The following PRR20G variants were observed in gnomAD, a reference collection of about 807,000 sequenced individuals.
PRR20G encodes proline-rich protein 20G.
chr3:127,287,459 C>T (rs1457575304), intron 1 of PRR20G, among the ~76,000 whole-genome samples, 87 bp from the exon 2 acceptor site: 1 of 152,102 alleles, frequency 6.6e-6, no homozygotes. Context: ...CGATGCGGAC[C>T]CCACCTCACC....
chr3:127,286,745 C>T (rs1369163293), intron 2 of PRR20G, among the ~76,000 whole-genome samples: 2 of 152,204 alleles, frequency 1.3e-5, no homozygotes, highest in Non-Finnish European at 2.9e-5. Context: ...TCAGAGCAGC[C>T]AGTCCCGGTT....
chr3:127,288,018 C>T lies in PRR20G; in HGVS notation c.-147G>A, dbSNP rs2080395965. On this transcript the variant is annotated 5_prime_UTR_variant, in exon 1 of 3. Transcript: ENST00000465482. ...AGGTAGGAGGGAGCACCCAGCAGTC[C>T]TAGTTCGGAGCCCGGCAGAAAGCTG... Among the ~76,000 whole-genome samples the T allele has an allele frequency of 2.0e-5, 3 of 152,124 alleles. No individual in the cohort carries two copies. The highest frequency in any genetic ancestry group is 2.4e-5 in the African/African-American group (1 of 41,442).
chr3:127,285,558 T>C (rs1018269512), intron 2 of PRR20G, among the ~76,000 whole-genome samples: 2 of 152,172 alleles, frequency 1.3e-5, no homozygotes, highest in Admixed American at 1.3e-4. Flanking sequence ...AGAGTAGGCA[T>C]TGAAGATCAT....
chr3:127,287,069 A>G (rs1187934966), intron 2 of PRR20G, among the ~76,000 whole-genome samples: 2 of 152,174 alleles, frequency 1.3e-5, no homozygotes, highest in African/African-American at 4.8e-5. Flanking sequence ...CCATAAATAA[A>G]GTCTAAACGG....
intron 1 of PRR20G, among the ~76,000 whole-genome samples, 194 bp downstream of exon 1, chr3:127,287,685 G>C (rs2080393971): frequency 6.6e-6 from 1 of 152,222 alleles, no homozygotes; most frequent in South Asian, 2.1e-4. Context: ...TGGTACCGGG[G>C]AGACTTAGGC....
At chr3:127,285,238 C>T (rs2080381521) in intron 2 of PRR20G, among the ~76,000 whole-genome samples, 1 of 152,074 alleles carries the variant, frequency 6.6e-6, no homozygotes, top group African/African-American at 2.4e-5. Context: ...AGCATCTTAA[C>T]ATGTATTGGG....
chr3:127,287,482 G>A (rs2080393163), intron 1 of PRR20G, among the ~76,000 whole-genome samples, 110 bp from the exon 2 acceptor site: 1 of 152,184 alleles, frequency 6.6e-6, no homozygotes, highest in African/African-American at 2.4e-5. Flanking sequence ...CTCCTACAGG[G>A]CCACTGCCGC....
intron 2 of PRR20G, among the ~76,000 whole-genome samples, chr3:127,286,046 AAG>A (rs1389043663): frequency 6.6e-6 from 1 of 152,194 alleles, no homozygotes; most frequent in African/African-American, 2.4e-5. Flanking sequence ...TCTCCCAGGA[AAG>A]AGAGCAAAAA....
Position 127,284,021 on chromosome 3 carries a change from G to A in PRR20G, c.*39C>T, listed in dbSNP as rs1362954421. 4 of 152,718 alleles carry A rather than the reference G, an allele frequency of 2.6e-5. No homozygotes were observed. Among genetic ancestry groups the A allele is most frequent in the South Asian group, 2.1e-4 (1 of 4,824 alleles). The allele number at this position is 152,718 out of a possible 1,614,324, so 9.5% of individuals were successfully genotyped here. On this transcript the variant is annotated 3_prime_UTR_variant, in exon 3 of 3. Transcript: ENST00000465482. The stretch of plus-strand genomic sequence containing the variant: ...TTGGGGATAGGGGGAAAGACCAGGT[G>A]GAAGAAAAGAAGGCTGGCAGCAATA...
Position 127,286,789 on chromosome 3 carries a change from C to T in PRR20G, c.52+525G>A, listed in dbSNP as rs557668975. Among the ~76,000 whole-genome samples the T allele has an allele frequency of 3.9e-5, 6 of 152,246 alleles. No homozygotes were observed. The East Asian group carries it at 5.8e-4, about 15-fold the overall frequency. On this transcript the variant is annotated intron_variant, in intron 2 of 2. Coordinates refer to ENST00000465482, the MANE Select transcript of PRR20G (RefSeq NM_001362810.2). Reference sequence around the variant, plus strand: ...CTATGAGAAAGTGAAACTGAGAGAACGCTTGATTGAGTTTGAATTTAAGTA... The same window carrying T: ...CTATGAGAAAGTGAAACTGAGAGAATGCTTGATTGAGTTTGAATTTAAGTA...
intron 2 of PRR20G, among the ~76,000 whole-genome samples, 178 bp downstream of exon 2, chr3:127,287,136 A>G (rs756949348): frequency 6.6e-6 from 1 of 152,216 alleles, no homozygotes; most frequent in Non-Finnish European, 1.5e-5. Context: ...GAAATGCTAG[A>G]AGAAATGGCT....
In PRR20G at chr3:127,287,987, C is replaced by G. The variant is rs114821235; in HGVS notation, c.-116G>C. On this transcript the variant is annotated 5_prime_UTR_variant, in exon 1 of 3. Transcript: ENST00000465482. ...ACGTCGCCCTCAAATGCGCCCCCTA[C>G]CAGGCAGGTAGGAGGGAGCACCCAG... 6.6e-6 allele frequency among the ~76,000 whole-genome samples: 1 copy of G among 152,126 alleles called. No homozygotes were observed. Among genetic ancestry groups the G allele is most frequent in the Non-Finnish European group, 1.5e-5 (1 of 68,024 alleles).
intron 2 of PRR20G, among the ~76,000 whole-genome samples, chr3:127,286,718 G>A (rs2107702423): frequency 6.6e-6 from 1 of 152,326 alleles, no homozygotes; most frequent in Middle Eastern, 3.4e-3. Context: ...ATCCTGGAGT[G>A]GCAGCTGGGA....
At chr3:127,287,415 T>G (rs900137703) in intron 1 of PRR20G, among the ~76,000 whole-genome samples, 43 bp from the exon 2 acceptor site, 1 of 152,042 alleles carries the variant, frequency 6.6e-6, no homozygotes, top group African/African-American at 2.4e-5. Context: ...GTCAGGGTAT[T>G]AAACCACAGC....
chr3:127,285,006 A>C (rs1207000686), intron 2 of PRR20G, among the ~76,000 whole-genome samples: 1 of 152,198 alleles, frequency 6.6e-6, no homozygotes, highest in African/African-American at 2.4e-5. Flanking sequence ...AGAACACCTA[A>C]AAATGAATGA....
intron 2 of PRR20G, among the ~76,000 whole-genome samples, chr3:127,286,796 T>C (rs146841542): frequency 3.4e-4 from 52 of 152,294 alleles, no homozygotes; most frequent in Middle Eastern, 6.8e-3. Context: ...GAACGCTTGA[T>C]TGAGTTTGAA....
chr3:127,284,679 C>T, intron 2 of PRR20G, 39 bp from the exon 3 acceptor site: 1 of 154,374 alleles, frequency 6.5e-6, no homozygotes, highest in Non-Finnish European at 1.4e-5. Context: ...GGAGTAGGGG[C>T]TGCCCAGGAA....
chr3:127,286,740 G>A (rs1576281382), intron 2 of PRR20G, among the ~76,000 whole-genome samples: 1 of 152,252 alleles, frequency 6.6e-6, no homozygotes, highest in South Asian at 2.1e-4. Flanking sequence ...GTGACTCAGA[G>A]CAGCCAGTCC....
chr3:127,285,932 T>C (rs1314197566), intron 2 of PRR20G, among the ~76,000 whole-genome samples: 1 of 152,174 alleles, frequency 6.6e-6, no homozygotes, highest in African/African-American at 2.4e-5. Context: ...TATAGGGTAC[T>C]TTTGAAAAGG....
Sources: allele counts gnomAD v4.1 joint callset (sites outside exome capture counted in the v4.1 genomes callset), GRCh38; gene constraint gnomAD v4.1.1; transcripts MANE v1.5; gene names NCBI Gene and HGNC (gene_info 2026-07-23, HGNC 2026-07-21).